SLC13A5: variants seen among roughly 807,000 people sequenced by gnomAD.
SLC13A5 encodes the protein Na(+)/citrate cotransporter.
In SLC13A5, 25 loss-of-function variants were observed where a neutral mutation model predicts 56.5. The ratio of observed to expected loss-of-function variants is 0.44; its 90% CI spans 0.32 to 0.62. SLC13A5 has a LOEUF of 0.62. Ranked by LOEUF, SLC13A5 falls within the 20% of genes least tolerant of loss-of-function variation. The pLI, the probability that SLC13A5 is intolerant of heterozygous loss-of-function variation, is 0.04. For synonymous variants in SLC13A5, 307 were observed against 301.5 expected (o/e 1.02, Z -0.19); for missense variants, 649 against 737.8 (o/e 0.88, Z 1.39).
Position 6,705,166 on chromosome 17 carries a change from C to CA in SLC13A5, c.369-1111dup, listed in dbSNP as rs148486330. On this transcript the variant is annotated intron_variant, in intron 3 of 11. Coordinates refer to ENST00000433363, the MANE Select transcript of SLC13A5 (RefSeq NM_177550.5). ...TCCACACAGGCAGACATTATGGACC[C>CA]AAAAAAAAACAAAGCCCGGGACCCA... 488 of 149,098 alleles carry CA rather than the reference C, an allele frequency of 3.3e-3. 4 individuals are homozygous for CA. The highest frequency in any genetic ancestry group is 7.7e-3 in the African/African-American group (314 of 40,698). 9.2% of individuals were successfully genotyped at this position (149,098 alleles called of 1,614,324 possible).
Position 6,695,828 on chromosome 17 carries a change from T to C in SLC13A5, c.953A>G (p.Asn318Ser), listed in dbSNP as rs1973545150. The change falls in exon 7 of 12, where the codon AAC becomes AGC. Residue 318 changes from asparagine (N) to serine (S), a missense_variant. Physicochemically the swap from Asn to Ser is conservative, Grantham distance 46. Transcript: ENST00000433363. ...KLGPLSFAEI[N>S]VLICFFLLVI... ...CAGCAGGAAGAAGCAGATCAGCACG[T>C]TGATCTCCGCGAAGGACAAGGGCCC... 1 of 1,614,042 alleles carries C rather than the reference T, an allele frequency of 6.2e-7. No homozygotes were observed.
intron 9 of SLC13A5, among the ~76,000 whole-genome samples, chr17:6,691,969 G>A (rs182579222): frequency 9.2e-5 from 14 of 152,198 alleles, no homozygotes; most frequent in Admixed American, 2.6e-4. Flanking sequence ...TCCCTTGCTC[G>A]TGTGCTACTT....
Position 6,692,837 on chromosome 17 carries a change from C to T in SLC13A5, c.1275+207G>A. ...TCACTCATTCACTCATTCCTGCAAT[C>T]GCTCAAAGGTTACTTTCTGTCTTCC... On this transcript the variant is annotated intron_variant, in intron 9 of 11. Transcript: ENST00000433363. This position sits in a 1 kb window ranked among gnomAD's most constrained non-coding sequence, Gnocchi z 5.5. 4 of 576,966 alleles carry T rather than the reference C, an allele frequency of 6.9e-6. No homozygotes were observed. The highest frequency in any genetic ancestry group is 1.2e-5 in the Non-Finnish European group (4 of 323,312). 35.7% of individuals were successfully genotyped at this position (576,966 alleles called of 1,614,324 possible).
At chr17:6,703,845 T>A (rs1973786147) in intron 4 of SLC13A5, 33 bp downstream of exon 4, 1 of 1,503,970 alleles carries the variant, frequency 6.6e-7, no homozygotes, top group Non-Finnish European at 8.9e-7. Flanking sequence ...AGGCTGCTGT[T>A]GTGGCCTGGC....
At chr17:6,707,389 C>T (rs1293744440) in intron 1 of SLC13A5, among the ~76,000 whole-genome samples, 1 of 152,182 alleles carries the variant, frequency 6.6e-6, no homozygotes, top group Non-Finnish European at 1.5e-5. Context: ...CTGCCTCCCT[C>T]CTTCCCAGCT....
In SLC13A5 at chr17:6,687,767, C is replaced by G; in HGVS notation, c.1438-101G>C. 1 of 1,379,854 alleles carries G rather than the reference C, an allele frequency of 7.2e-7. No individual in the cohort carries two copies. The highest frequency in any genetic ancestry group is 9.5e-7 in the Non-Finnish European group (1 of 1,048,738). The allele number at this position is 1,379,854 out of a possible 1,614,324, so 85.5% of individuals were successfully genotyped here. On this transcript the variant is annotated intron_variant, in intron 10 of 11. Coordinates refer to ENST00000433363, the MANE Select transcript of SLC13A5 (RefSeq NM_177550.5). The surrounding 1 kb of genome is among the most constrained non-coding windows in gnomAD (Gnocchi z 5.0). ...TCTGAATGTGCCGGGTACGTTTGAA[C>G]CTCTGTGCCTCAGTCTTGGTTCCTC...
rs74934559 is a variant in SLC13A5 at position 6,701,461 on chromosome 17, C to G, written c.717-335G>C. Reference sequence around the variant, plus strand: ...GCGCAGGGGCTCACGCCTGTAATTCCAGGACTCTGGGAGGCCGAGGCAGGT... The same window carrying G: ...GCGCAGGGGCTCACGCCTGTAATTCGAGGACTCTGGGAGGCCGAGGCAGGT... On this transcript the variant is annotated intron_variant, in intron 5 of 11. Coordinates refer to ENST00000433363, the MANE Select transcript of SLC13A5 (RefSeq NM_177550.5). The surrounding 1 kb of genome is among the most constrained non-coding windows in gnomAD (Gnocchi z 4.1). 0.059 allele frequency among the ~76,000 whole-genome samples: 8,995 copies of G among 152,268 alleles called. 556 individuals are homozygous for G. Among genetic ancestry groups the G allele is most frequent in the African/African-American group, 0.16 (6,672 of 41,538 alleles).
intron 7 of SLC13A5, chr17:6,695,343 G>C (rs80068248): frequency 1.3e-4 from 23 of 174,252 alleles, no homozygotes; most frequent in Non-Finnish European, 2.7e-4. Context: ...GCCACCTGTA[G>C]CCGAGACCAG....
intron 8 of SLC13A5, 54 bp from the exon 9 acceptor site, chr17:6,693,216 C>T: frequency 1.1e-6 from 1 of 916,620 alleles, no homozygotes; most frequent in Non-Finnish European, 1.6e-6. Context: ...CACACACACA[C>T]ACACACACAC....
rs62621831 is a variant in SLC13A5 at position 6,713,208 on chromosome 17, G to A, written c.102+24C>T. ...GGGCACAGGACGCCGGGTGTCCGAA[G>A]GGCTGCCTGGAGATGCAACTGACCT... On this transcript the variant is annotated intron_variant, in intron 1 of 11. Coordinates refer to ENST00000433363, the MANE Select transcript of SLC13A5 (RefSeq NM_177550.5). This position sits in a 1 kb window ranked among gnomAD's most constrained non-coding sequence, Gnocchi z 7.3. 0.1 allele frequency: 160,405 copies of A among 1,610,406 alleles called. 8,471 individuals are homozygous for A. The highest frequency in any genetic ancestry group is 0.11 in the Non-Finnish European group (126,697 of 1,177,656).
Position 6,687,499 on chromosome 17 carries a change from G to A in SLC13A5, c.1575+30C>T, listed in dbSNP as rs374151851. The A allele has an allele frequency of 2.5e-5, 41 of 1,612,744 alleles. No homozygotes were observed. Among genetic ancestry groups the A allele is most frequent in the Middle Eastern group, 1.6e-4 (1 of 6,078 alleles). On this transcript the variant is annotated intron_variant, in intron 11 of 11. Coordinates refer to ENST00000433363, the MANE Select transcript of SLC13A5 (RefSeq NM_177550.5). This position sits in a 1 kb window ranked among gnomAD's most constrained non-coding sequence, Gnocchi z 5.0. ...CCTTATGACAACAGCGTTATAGTCCGACGGGAGTAAATAAAAACAGCTGTG... is the reference window on the plus strand; with the variant it reads ...CCTTATGACAACAGCGTTATAGTCCAACGGGAGTAAATAAAAACAGCTGTG...
At chr17:6,698,326 C>T (rs1345503777) in intron 6 of SLC13A5, among the ~76,000 whole-genome samples, 1 of 152,238 alleles carries the variant, frequency 6.6e-6, no homozygotes, top group Non-Finnish European at 1.5e-5. Flanking sequence ...AAGGCCGTGC[C>T]AGGCTGGGTG....
rs1973282772 is a variant in SLC13A5 at position 6,687,568 on chromosome 17, G to A, written c.1536C>T (p.Ala512=). Reference sequence around the variant, plus strand: ...TGAGGTGCCCATAGGTGAACACGATGGCATTTGGAGGGGTGGCCACAGGCA... The same window carrying A: ...TGAGGTGCCCATAGGTGAACACGATAGCATTTGGAGGGGTGGCCACAGGCA... ...FMLPVATPPN[A]IVFTYGHLKV... The change falls in exon 11 of 12, where the codon GCC becomes GCT. Residue 512 remains alanine (A), a synonymous_variant. Transcript: ENST00000433363. This position sits in a 1 kb window ranked among gnomAD's most constrained non-coding sequence, Gnocchi z 5.0. 2 of 1,613,912 alleles carry A rather than the reference G, an allele frequency of 1.2e-6. No individual in the cohort carries two copies. Among genetic ancestry groups the A allele is most frequent in the African/African-American group, 1.3e-5 (1 of 75,042 alleles).
At chr17:6,703,727 A>G (rs574891559) in intron 4 of SLC13A5, 151 bp downstream of exon 4, 84 of 762,806 alleles carry the variant, frequency 1.1e-4, no homozygotes, top group Non-Finnish European at 1.6e-4. Context: ...AAAACTTAGG[A>G]CAACAGTATT....
chr17:6,704,629 C>T (rs190888765), intron 3 of SLC13A5: 16 of 251,816 alleles, frequency 6.4e-5, no homozygotes, highest in East Asian at 5.4e-4. Flanking sequence ...ATCTCCCCTC[C>T]GCCCCGCACA....
At position 6,686,158 on chromosome 17, in the gene SLC13A5, G is replaced by A. The variant is rs770354106; in HGVS notation, c.*49C>T. 202 of 1,611,562 alleles carry A rather than the reference G, an allele frequency of 1.3e-4. No individual in the cohort carries two copies. The highest frequency in any genetic ancestry group is 3.4e-4 in the Middle Eastern group (2 of 5,944). On this transcript the variant is annotated 3_prime_UTR_variant, in exon 12 of 12. Transcript: ENST00000433363. The stretch of plus-strand genomic sequence containing the variant: ...CTGTACAAGGTGTGCCAGAAGGTTC[G>A]GTAGTCCTGAGGAGGGTAAGGGCTG...
At chr17:6,688,795 A>C (rs1973319005) in intron 10 of SLC13A5, 1 of 152,230 alleles carries the variant, frequency 6.6e-6, no homozygotes, top group Non-Finnish European at 1.5e-5. Context: ...AGTGTGTAAA[A>C]TATCCAGAAA....
chr17:6,703,275 G>C, intron 4 of SLC13A5, 137 bp from the exon 5 acceptor site: 1 of 1,106,650 alleles, frequency 9.0e-7, no homozygotes. Flanking sequence ...GGCTCCATAA[G>C]AGTTGCTGGC....
intron 10 of SLC13A5, chr17:6,690,200 T>C (rs1238293647): frequency 6.4e-6 from 1 of 155,974 alleles, no homozygotes; most frequent in Non-Finnish European, 1.4e-5. Flanking sequence ...TCAGCAGCTT[T>C]TCCCACAACC....
Sources: allele counts gnomAD v4.1 joint callset (sites outside exome capture counted in the v4.1 genomes callset), GRCh38; gene constraint gnomAD v4.1.1; non-coding constraint Gnocchi (gnomAD v3.1); transcripts MANE v1.5; gene names NCBI Gene and HGNC (gene_info 2026-07-23, HGNC 2026-07-21).